Variants in PRKN observed in about 807,000 individuals in gnomAD.
PRKN encodes parkin RBR E3 ubiquitin protein ligase.
Under a neutral mutation model 59.5 loss-of-function variants are expected in PRKN, and 56 were observed. The ratio of observed to expected loss-of-function variants is 0.94; its 90% CI spans 0.76 to 1.18. PRKN has a LOEUF of 1.18. PRKN is among the 50% of genes most tolerant of loss of function. The probability of loss-of-function intolerance (pLI) is 0.00; values close to 1 mark genes in which losing one functional copy is unlikely to be tolerated. For synonymous variants in PRKN, 250 were observed against 222.1 expected (o/e 1.13, Z -1.12); for missense variants, 657 against 596.4 (o/e 1.10, Z -1.06).
intron 2 of PRKN, 129 bp downstream of exon 2, chr6:162,443,180 TA>T: frequency 2.2e-6 from 2 of 895,104 alleles, no homozygotes; most frequent in Non-Finnish European, 3.5e-6. Context: ...CAGTGTGGAG[TA>T]AAGTTCAAGG....
intron 4 of PRKN, among the ~76,000 whole-genome samples, chr6:162,093,438 G>T (rs1779593803): frequency 6.6e-6 from 1 of 151,648 alleles, no homozygotes; most frequent in South Asian, 2.1e-4. Flanking sequence ...GTGTATTACT[G>T]GTAATAGAGG....
rs115786825 is a variant in PRKN at position 161,557,367 on chromosome 6, G to T, written c.934-8364C>A. On this transcript the variant is annotated intron_variant, in intron 8 of 11. Coordinates refer to ENST00000366898, the MANE Select transcript of PRKN (RefSeq NM_004562.3). ...GGGAGAGTATAATGAAATAGATATT[G>T]TATTCTGTTAGTCTGCAGGTTAGGA... Among the ~76,000 whole-genome samples the T allele has an allele frequency of 1.6e-3, 237 of 152,284 alleles. 2 individuals carry two copies. Among genetic ancestry groups the T allele is most frequent in the African/African-American group, 5.5e-3 (230 of 41,566 alleles).
chr6:162,478,637 AT>A (rs1254691735), intron 1 of PRKN, among the ~76,000 whole-genome samples: 1 of 152,108 alleles, frequency 6.6e-6, no homozygotes, highest in Admixed American at 6.6e-5. Context: ...CATTTTAAGA[AT>A]TGCGTTGTTA....
intron 7 of PRKN, among the ~76,000 whole-genome samples, chr6:161,665,256 TTC>T (rs1784685285): frequency 6.6e-6 from 1 of 152,160 alleles, no homozygotes; most frequent in Non-Finnish European, 1.5e-5. Flanking sequence ...GGCTATTTTT[TTC>T]TGTTGAAAAA....
intron 4 of PRKN, among the ~76,000 whole-genome samples, chr6:162,174,535 C>G (rs1162080271): frequency 3.8e-5 from 2 of 53,082 alleles, no homozygotes; most frequent in Non-Finnish European, 5.5e-5. Flanking sequence ...ACAATTCTTC[C>G]AATGATATGA....
At chr6:162,068,697 T>C (rs1297643927) in intron 4 of PRKN, among the ~76,000 whole-genome samples, 1 of 152,154 alleles carries the variant, frequency 6.6e-6, no homozygotes, top group Non-Finnish European at 1.5e-5. Context: ...ACTGAATCCA[T>C]CATAAGTAAT....
chr6:161,756,442 GAAAAAAAA>G (rs57399165), intron 7 of PRKN, among the ~76,000 whole-genome samples: 3 of 74,714 alleles, frequency 4.0e-5, no homozygotes, highest in South Asian at 5.1e-4. Flanking sequence ...ACCTTGTCTC[GAAAAAAAA>G]AAAAAAAAAA....
intron 3 of PRKN, among the ~76,000 whole-genome samples, chr6:162,251,708 G>T (rs1779443974): frequency 6.6e-6 from 1 of 152,078 alleles, no homozygotes. Context: ...CATAAACGGG[G>T]ATATATATGG....
Position 161,547,661 on chromosome 6 carries a change from C to A in PRKN, c.1083+1193G>T, listed in dbSNP as rs528413124. 7.9e-5 allele frequency among the ~76,000 whole-genome samples: 12 copies of A among 152,192 alleles called. No homozygotes were observed. Among genetic ancestry groups the A allele is most frequent in the African/African-American group, 2.9e-4 (12 of 41,454 alleles). On this transcript the variant is annotated intron_variant, in intron 9 of 11. Coordinates refer to ENST00000366898, the MANE Select transcript of PRKN (RefSeq NM_004562.3). The surrounding 1 kb of genome is among the most constrained non-coding windows in gnomAD (Gnocchi z 4.0). ...TTAAAAGACAACATTTGCTAGCATT[C>A]TGATCCCAGAGGTTGGCAACCTGCT...
chr6:161,919,985 A>T (rs937471862), intron 6 of PRKN, among the ~76,000 whole-genome samples: 9 of 152,224 alleles, frequency 5.9e-5, no homozygotes, highest in African/African-American at 1.9e-4. Flanking sequence ...ATACTTACAC[A>T]AACCTAGATG....
chr6:162,592,923 A>G (rs1781366452), intron 1 of PRKN, among the ~76,000 whole-genome samples: 1 of 151,948 alleles, frequency 6.6e-6, no homozygotes, highest in South Asian at 2.1e-4. Flanking sequence ...AAGTCAGCTA[A>G]CACATCACGA....
chr6:162,498,917 C>T (rs1467179648), intron 1 of PRKN, among the ~76,000 whole-genome samples: 1 of 152,052 alleles, frequency 6.6e-6, no homozygotes, highest in Non-Finnish European at 1.5e-5. Context: ...CTAGGTATGA[C>T]TGAAAAAACA....
chr6:161,441,455 G>C (rs1233487418), intron 9 of PRKN, among the ~76,000 whole-genome samples: 1 of 152,000 alleles, frequency 6.6e-6, no homozygotes, highest in East Asian at 1.9e-4. Context: ...AACCAGCCTG[G>C]CCAACGTGGT....
intron 7 of PRKN, among the ~76,000 whole-genome samples, chr6:161,750,098 C>CATATAT (rs72125109): frequency 0.097 from 14,009 of 144,710 alleles, 766 homozygotes; most frequent in South Asian, 0.15. Flanking sequence ...ACACATAGGA[C>CATATAT]ATATATATAT....
At chr6:161,898,382 A>G (rs917991509) in intron 6 of PRKN, among the ~76,000 whole-genome samples, 5 of 152,180 alleles carry the variant, frequency 3.3e-5, no homozygotes, top group African/African-American at 9.6e-5. Context: ...ATATTTACGC[A>G]TTACATCTGT....
intron 3 of PRKN, among the ~76,000 whole-genome samples, chr6:162,232,496 T>G (rs925290225): frequency 2.6e-5 from 4 of 152,202 alleles, no homozygotes; most frequent in Non-Finnish European, 4.4e-5. Context: ...AAATGGACCC[T>G]TTTCCTCAGA....
chr6:162,438,092 T>A (rs891230004), intron 2 of PRKN, among the ~76,000 whole-genome samples: 1 of 152,168 alleles, frequency 6.6e-6, no homozygotes, highest in Admixed American at 6.5e-5. Flanking sequence ...GCATTTGGTG[T>A]TGTCTTTATT....
At chr6:162,064,588 T>C (rs1200906504) in intron 4 of PRKN, among the ~76,000 whole-genome samples, 2 of 152,198 alleles carry the variant, frequency 1.3e-5, no homozygotes, top group Middle Eastern at 3.2e-3. Context: ...ACAAAACTCT[T>C]AAAGTCAAGG....
chr6:162,691,591 G>A (rs1777777858), intron 1 of PRKN, among the ~76,000 whole-genome samples: 1 of 152,070 alleles, frequency 6.6e-6, no homozygotes, highest in Non-Finnish European at 1.5e-5. Flanking sequence ...ACCCTTAAAG[G>A]ATCAAAATGT....
Sources: gnomAD v4.1 joint callset for allele counts (sites outside exome capture counted in the v4.1 genomes callset) on GRCh38, gnomAD v4.1.1 for gene constraint, Gnocchi (gnomAD v3.1) non-coding constraint, MANE v1.5 for transcripts, NCBI Gene and HGNC (gene_info 2026-07-23, HGNC 2026-07-21) for gene names.